The following ADCYAP1R1 variants were observed in gnomAD, a reference collection of about 807,000 sequenced individuals.
The protein encoded by ADCYAP1R1 is ADCYAP receptor type I.
In ADCYAP1R1, 44 loss-of-function variants were observed where a neutral mutation model predicts 67.6. The ratio of observed to expected loss-of-function variants is 0.65; its 90% CI spans 0.51 to 0.84. ADCYAP1R1 has a LOEUF of 0.84. Among genes scored for constraint, ADCYAP1R1 ranks in the 40% least tolerant of loss-of-function variants. The pLI, the probability that ADCYAP1R1 is intolerant of heterozygous loss-of-function variation, is 0.00. For missense variants in ADCYAP1R1, 477 were observed against 587.9 expected (o/e 0.81, Z 1.95); for synonymous variants, 222 against 219.6 (o/e 1.01, Z -0.10).
chr7:31,104,298 T>G (rs1382024071), intron 14 of ADCYAP1R1, among the ~76,000 whole-genome samples: 1 of 152,200 alleles, frequency 6.6e-6, no homozygotes, highest in African/African-American at 2.4e-5. Flanking sequence ...AGGAACTAAT[T>G]TGCAGCATTC....
rs575771374 is a variant in ADCYAP1R1, at chr7:31,100,350, T to C, written c.1047-2887T>C. On this transcript the variant is annotated intron_variant, in intron 13 of 15. Transcript: ENST00000304166. Reference sequence around the variant, plus strand: ...CCCATTCCCGGCTGTTGCATGTTGGTGTCTGTGTGTCTTGTGAGTTCTCTG... The same window carrying C: ...CCCATTCCCGGCTGTTGCATGTTGGCGTCTGTGTGTCTTGTGAGTTCTCTG... The C allele has an allele frequency of 3.3e-4, 185 of 560,074 alleles. 2 individuals are homozygous for C. Among genetic ancestry groups the C allele is most frequent in the African/African-American group, 3.2e-3 (163 of 51,568 alleles). The allele number at this position is 560,074 out of a possible 1,614,324, so 34.7% of individuals were successfully genotyped here. A position where few individuals can be genotyped will look rare whatever the true frequency, so the allele number is the denominator to read the frequency against.
At chr7:31,097,246 C>T (rs1161974052) in intron 13 of ADCYAP1R1, among the ~76,000 whole-genome samples, 4 of 152,254 alleles carry the variant, frequency 2.6e-5, no homozygotes, top group African/African-American at 7.2e-5. Context: ...CCCCACCCAA[C>T]ACCCTTGCCT....
In ADCYAP1R1 at chr7:31,090,723, G is replaced by A. The variant is rs114376948; in HGVS notation, c.955-1921G>A. On this transcript the variant is annotated intron_variant, in intron 12 of 15. Transcript: ENST00000304166. Reference sequence around the variant, plus strand: ...ACTTAGGATAATGGCCTCCAGCTGTGTCCATGTTGCCGTAAAGGATGTGGC... The same window carrying A: ...ACTTAGGATAATGGCCTCCAGCTGTATCCATGTTGCCGTAAAGGATGTGGC... 4.1e-3 allele frequency among the ~76,000 whole-genome samples: 621 copies of A among 152,256 alleles called. 8 individuals carry two copies. The highest frequency in any genetic ancestry group is 0.014 in the African/African-American group (575 of 41,534).
At chr7:31,093,419 C>T (rs1318398468) in intron 13 of ADCYAP1R1, among the ~76,000 whole-genome samples, 1 of 152,206 alleles carries the variant, frequency 6.6e-6, no homozygotes, top group Non-Finnish European at 1.5e-5. Context: ...GCAGTCATGT[C>T]CCTAACAGCC....
At position 31,082,780 on chromosome 7, in the gene ADCYAP1R1, G is replaced by A. The variant is rs934247339; in HGVS notation, c.328+1026G>A. On this transcript the variant is annotated intron_variant, in intron 6 of 15. Coordinates refer to ENST00000304166, the MANE Select transcript of ADCYAP1R1 (RefSeq NM_001118.5). Reference sequence around the variant, plus strand: ...CCAAACTTCCCCCTTAGCCTGTGCCGTAGAACTCAGAGCTGGAGAAGGACT... The same window carrying A: ...CCAAACTTCCCCCTTAGCCTGTGCCATAGAACTCAGAGCTGGAGAAGGACT... Among the ~76,000 whole-genome samples the A allele has an allele frequency of 3.9e-5, 6 of 152,236 alleles. No individual in the cohort carries two copies. The East Asian group carries it at 5.8e-4, about 15-fold the overall frequency.
chr7:31,099,222 G>A (rs1796335770), intron 13 of ADCYAP1R1, among the ~76,000 whole-genome samples: 1 of 152,200 alleles, frequency 6.6e-6, no homozygotes. Flanking sequence ...AAGCCATGGG[G>A]CAGTGCCCAA....
At chr7:31,063,365 C>T in intron 2 of ADCYAP1R1, 50 bp downstream of exon 2, 3 of 1,603,454 alleles carry the variant, frequency 1.9e-6, no homozygotes, top group Non-Finnish European at 2.6e-6. Context: ...ACCTGAGTCC[C>T]CGCTCCAGAG....
At chr7:31,080,526 G>T in intron 4 of ADCYAP1R1, 87 bp from the exon 5 acceptor site, 1 of 1,390,152 alleles carries the variant, frequency 7.2e-7, no homozygotes, top group East Asian at 2.3e-5. Flanking sequence ...GAAGTGATCA[G>T]CAAGACCCAA....
intron 3 of ADCYAP1R1, among the ~76,000 whole-genome samples, chr7:31,077,285 G>A (rs1468532020): frequency 6.6e-6 from 1 of 151,828 alleles, no homozygotes; most frequent in African/African-American, 2.4e-5. Context: ...TGGTGCATGT[G>A]TGCACATTCA....
intron 1 of ADCYAP1R1, among the ~76,000 whole-genome samples, chr7:31,054,989 G>T (rs1794179394): frequency 6.6e-6 from 1 of 152,208 alleles, no homozygotes; most frequent in South Asian, 2.1e-4. Context: ...TGGGCTTAGT[G>T]GTCCAGCCGC....
chr7:31,105,014 G>A, intron 15 of ADCYAP1R1, 105 bp downstream of exon 15: 2 of 1,162,096 alleles, frequency 1.7e-6, no homozygotes, highest in Non-Finnish European at 2.6e-6. Context: ...TTCAGAGAGG[G>A]CTCTGCCAGG....
At chr7:31,062,419 G>T (rs1171595693) in intron 1 of ADCYAP1R1, among the ~76,000 whole-genome samples, 1 of 152,202 alleles carries the variant, frequency 6.6e-6, no homozygotes, top group East Asian at 1.9e-4. Context: ...GAAGTAGAGT[G>T]AGGTAGGGCA....
At chr7:31,054,069 AC>A (rs1328268670) in intron 1 of ADCYAP1R1, among the ~76,000 whole-genome samples, 1 of 152,058 alleles carries the variant, frequency 6.6e-6, no homozygotes, top group African/African-American at 2.4e-5. Context: ...CTCCTCACTG[AC>A]CTTGGGGAGG....
At position 31,110,773 on chromosome 7, in the gene ADCYAP1R1, A is replaced by T. The variant is rs987142556; in HGVS notation, c.*4089A>T. On this transcript the variant is annotated 3_prime_UTR_variant, in exon 16 of 16. Transcript: ENST00000304166. ...TACCTTCTTTGGGCCTCGGCCTCCTAATCTGGGTAATGGGGAGGACTTCAT... is the reference window on the plus strand; with the variant it reads ...TACCTTCTTTGGGCCTCGGCCTCCTTATCTGGGTAATGGGGAGGACTTCAT... 2.5e-4 allele frequency: 38 copies of T among 152,222 alleles called. No homozygotes were observed. Among genetic ancestry groups the T allele is most frequent in the African/African-American group, 8.7e-4 (36 of 41,426 alleles). The allele number at this position is 152,222 out of a possible 1,614,324, so 9.4% of individuals were successfully genotyped here.
At chr7:31,080,560 C>T (rs375209448) in intron 4 of ADCYAP1R1, 53 bp from the exon 5 acceptor site, 6 of 1,595,394 alleles carry the variant, frequency 3.8e-6, no homozygotes, top group Non-Finnish European at 5.1e-6. Context: ...TGACTTTTCT[C>T]ACCCCGCTGC....
At chr7:31,062,840 A>G (rs957458727) in intron 1 of ADCYAP1R1, among the ~76,000 whole-genome samples, 1 of 152,250 alleles carries the variant, frequency 6.6e-6, no homozygotes, top group South Asian at 2.1e-4. Context: ...CTAGGTGAGC[A>G]TGCATGTGCC....
chr7:31,091,252 A>C (rs1457790034), intron 12 of ADCYAP1R1, among the ~76,000 whole-genome samples: 1 of 152,086 alleles, frequency 6.6e-6, no homozygotes, highest in Admixed American at 6.5e-5. Flanking sequence ...CTTTTGCCCA[A>C]TTTTTAATAA....
rs1433873421 is a variant in ADCYAP1R1 at position 31,110,195 on chromosome 7, A to C, written c.*3511A>C. 2.0e-5 allele frequency: 3 copies of C among 149,238 alleles called. No individual in the cohort carries two copies. Among genetic ancestry groups the C allele is most frequent in the African/African-American group, 7.5e-5 (3 of 40,206 alleles). 9.2% of individuals were successfully genotyped at this position (149,238 alleles called of 1,614,324 possible). A position where few individuals can be genotyped will look rare whatever the true frequency, so the allele number is the denominator to read the frequency against. On this transcript the variant is annotated 3_prime_UTR_variant, in exon 16 of 16. Transcript: ENST00000304166. Reference sequence around the variant, plus strand: ...CCCTCTTCATGGCCACTTCAAAGTGAAGCCAGCAAAGTGATAATACTTTAT... The same window carrying C: ...CCCTCTTCATGGCCACTTCAAAGTGCAGCCAGCAAAGTGATAATACTTTAT...
intron 3 of ADCYAP1R1, among the ~76,000 whole-genome samples, chr7:31,066,774 G>T (rs1252402226): frequency 6.6e-6 from 1 of 152,188 alleles, no homozygotes; most frequent in Non-Finnish European, 1.5e-5. Context: ...CTTGAGCTAG[G>T]CCCAAGGGAT....
Sources: gnomAD v4.1 joint callset for allele counts (sites outside exome capture counted in the v4.1 genomes callset) on GRCh38, gnomAD v4.1.1 for gene constraint, MANE v1.5 for transcripts, NCBI Gene and HGNC (gene_info 2026-07-23, HGNC 2026-07-21) for gene names.